The following TEC variants were observed in gnomAD, a reference collection of about 807,000 sequenced individuals.
TEC encodes tec protein tyrosine kinase.
TEC carries 72 observed loss-of-function variants against 93.0 expected under a neutral mutation model. The ratio of observed to expected loss-of-function variants is 0.77; its 90% CI spans 0.64 to 0.94. The LOEUF (loss-of-function observed/expected upper bound fraction) is 0.94, where lower values mean the gene tolerates loss of function less well. Ranked by LOEUF, TEC falls within the 40% of genes least tolerant of loss-of-function variation. The pLI, the probability that TEC is intolerant of heterozygous loss-of-function variation, is 0.00. For synonymous variants in TEC, 249 were observed against 247.7 expected (o/e 1.01, Z -0.05); for missense variants, 630 against 757.9 (o/e 0.83, Z 1.98).
intron 2 of TEC, among the ~76,000 whole-genome samples, chr4:48,214,575 G>C (rs1723011215): frequency 6.6e-6 from 1 of 152,160 alleles, no homozygotes; most frequent in Non-Finnish European, 1.5e-5. Context: ...ATGAGGACTG[G>C]GTGTGGTGGC....
intron 2 of TEC, among the ~76,000 whole-genome samples, chr4:48,227,921 A>G (rs1168261400): frequency 6.6e-6 from 1 of 152,122 alleles, no homozygotes; most frequent in East Asian, 1.9e-4. Flanking sequence ...CTAACCACAC[A>G]TTTGTCTGTG....
At chr4:48,155,063 G>A (rs1720338292) in intron 9 of TEC, among the ~76,000 whole-genome samples, 1 of 152,202 alleles carries the variant, frequency 6.6e-6, no homozygotes, top group Admixed American at 6.5e-5. Flanking sequence ...TTGCACAACA[G>A]AGGGTAAAAT....
intron 2 of TEC, among the ~76,000 whole-genome samples, chr4:48,181,324 C>A (rs1577728596): frequency 6.6e-6 from 1 of 152,048 alleles, no homozygotes; most frequent in East Asian, 1.9e-4. Flanking sequence ...ATAGTGGCAG[C>A]TTATTCTAGC....
intron 1 of TEC, among the ~76,000 whole-genome samples, chr4:48,244,013 C>A (rs1723992097): frequency 6.7e-6 from 1 of 150,170 alleles, no homozygotes. Flanking sequence ...AAAGGTGATG[C>A]CTGGGCTGGG....
chr4:48,206,882 C>T (rs897750495), intron 2 of TEC, among the ~76,000 whole-genome samples: 4 of 151,910 alleles, frequency 2.6e-5, no homozygotes, highest in African/African-American at 9.7e-5. Context: ...TTGGTTGAAC[C>T]CGGGAGGTCA....
At chr4:48,254,687 C>T (rs769389254) in intron 1 of TEC, among the ~76,000 whole-genome samples, 1 of 152,224 alleles carries the variant, frequency 6.6e-6, no homozygotes, top group Non-Finnish European at 1.5e-5. Context: ...TGATCAGCAT[C>T]CAAAGAGTAG....
chr4:48,244,687 C>G (rs1385729028), intron 1 of TEC, among the ~76,000 whole-genome samples: 1 of 152,206 alleles, frequency 6.6e-6, no homozygotes, highest in Non-Finnish European at 1.5e-5. Flanking sequence ...GGTACTGTGA[C>G]AGGGATATAA....
intron 15 of TEC, among the ~76,000 whole-genome samples, chr4:48,141,114 T>A (rs1194647467): frequency 6.6e-6 from 1 of 152,184 alleles, no homozygotes; most frequent in African/African-American, 2.4e-5. Context: ...CCACCAAATA[T>A]GTTTTTGTGA....
At chr4:48,170,193 C>G (rs1721043902) in intron 5 of TEC, 55 bp downstream of exon 5, 2 of 1,400,320 alleles carry the variant, frequency 1.4e-6, no homozygotes, top group African/African-American at 1.4e-5. Context: ...CTTACCATAC[C>G]AATAATACGT....
intron 7 of TEC, among the ~76,000 whole-genome samples, chr4:48,166,811 A>T (rs1228101350): frequency 6.6e-6 from 1 of 151,814 alleles, no homozygotes; most frequent in Non-Finnish European, 1.5e-5. Context: ...TAAGTTAATA[A>T]TGCACAGCAA....
rs1428131111 is a variant in TEC at position 48,265,503 on chromosome 4, A to ATG, written c.-46+4248_-46+4249insCA. ...CGTGTGTGTATATATGTGTGTATAT[A>ATG]TATATATATATATTTTTTTTTTTTT... On this transcript the variant is annotated intron_variant, in intron 1 of 17. Coordinates refer to ENST00000381501, the MANE Select transcript of TEC (RefSeq NM_003215.3). Among the ~76,000 whole-genome samples the ATG allele has an allele frequency of 3.3e-3, 350 of 106,038 alleles. 2 individuals carry two copies. Among genetic ancestry groups the ATG allele is most frequent in the African/African-American group, 0.01 (342 of 32,902 alleles). The allele number at this position is 106,038 out of a possible 152,430, so 69.6% of individuals were successfully genotyped here.
chr4:48,260,429 C>T (rs939803980), intron 1 of TEC, among the ~76,000 whole-genome samples: 5 of 152,116 alleles, frequency 3.3e-5, no homozygotes, highest in East Asian at 1.9e-4. Context: ...GCTTAATTTT[C>T]GTTTCAATGA....
intron 2 of TEC, among the ~76,000 whole-genome samples, chr4:48,205,973 G>C (rs1052557837): frequency 1.3e-5 from 2 of 152,294 alleles, no homozygotes; most frequent in Admixed American, 1.3e-4. Flanking sequence ...ACAAAATGTG[G>C]TCTACCCATG....
intron 1 of TEC, among the ~76,000 whole-genome samples, chr4:48,255,070 T>G (rs1724304792): frequency 6.6e-6 from 1 of 152,206 alleles, no homozygotes; most frequent in Non-Finnish European, 1.5e-5. Context: ...TTCTTTCAAA[T>G]GCACATAATT....
intron 2 of TEC, among the ~76,000 whole-genome samples, chr4:48,218,498 C>T (rs541124635): frequency 6.6e-6 from 1 of 152,308 alleles, no homozygotes; most frequent in African/African-American, 2.4e-5. Flanking sequence ...GATGCAGATA[C>T]TTCCAATTGC....
At chr4:48,264,085 T>C (rs539004583) in intron 1 of TEC, among the ~76,000 whole-genome samples, 70 of 152,320 alleles carry the variant, frequency 4.6e-4, no homozygotes, top group Non-Finnish European at 7.2e-4. Context: ...TTATTTCATG[T>C]ATAAATCAGC....
At chr4:48,159,008 A>C (rs1478501471) in intron 8 of TEC, among the ~76,000 whole-genome samples, 2 of 151,610 alleles carry the variant, frequency 1.3e-5, no homozygotes, top group Non-Finnish European at 2.9e-5. Context: ...GAATTAACTC[A>C]TGGTCGGGAT....
chr4:48,253,682 C>A (rs1033675984), intron 1 of TEC, among the ~76,000 whole-genome samples: 2 of 149,626 alleles, frequency 1.3e-5, no homozygotes, highest in African/African-American at 2.5e-5. Flanking sequence ...TCAAACAATT[C>A]TCCTGCCTCA....
chr4:48,189,398 A>T (rs879040792), intron 2 of TEC, among the ~76,000 whole-genome samples: 1 of 152,248 alleles, frequency 6.6e-6, no homozygotes, highest in Admixed American at 6.5e-5. Flanking sequence ...AAGGTTACAC[A>T]CACTAACTCT....
Sources: allele counts gnomAD v4.1 joint callset (sites outside exome capture counted in the v4.1 genomes callset), GRCh38; gene constraint gnomAD v4.1.1; transcripts MANE v1.5; gene names NCBI Gene and HGNC (gene_info 2026-07-23, HGNC 2026-07-21).